Variants in GFRAL observed in about 807,000 individuals in gnomAD.
The protein encoded by GFRAL is GDNF family receptor alpha like.
Under a neutral mutation model 45.4 loss-of-function variants are expected in GFRAL, and 36 were observed. That is an observed-to-expected ratio of 0.79 (90% CI 0.61 to 1.05). The LOEUF (loss-of-function observed/expected upper bound fraction) is 1.05. GFRAL is among the 50% of genes least tolerant of loss of function. The probability of loss-of-function intolerance (pLI) is 0.00; values close to 1 mark genes in which losing one functional copy is unlikely to be tolerated. For synonymous variants in GFRAL, 166 were observed against 154.1 expected, an observed-to-expected ratio of 1.08 and a Z score of -0.57; for missense variants, 507 against 467.5, an observed-to-expected ratio of 1.08 and a Z score of -0.78.
chr6:55,360,443 T>C (rs1362185837), intron 6 of GFRAL, among the ~76,000 whole-genome samples: 2 of 152,042 alleles, frequency 1.3e-5, no homozygotes, highest in Non-Finnish European at 2.9e-5. Flanking sequence ...TACAGATGCA[T>C]ATTTACACAT....
Position 55,331,669 on chromosome 6 carries a change from A to T in GFRAL, c.23-46A>T, listed in dbSNP as rs373066632. On this transcript the variant is annotated intron_variant, in intron 1 of 8. Transcript: ENST00000340465. ...AATAACTTAGATTTGAAGAAAATGGATGCCAAATTTATATTACAACCTTGT... is the reference window on the plus strand; with the variant it reads ...AATAACTTAGATTTGAAGAAAATGGTTGCCAAATTTATATTACAACCTTGT... 3.2e-6 allele frequency: 5 copies of T among 1,561,512 alleles called. No homozygotes were observed. The African/African-American group carries it at 5.5e-5, about 17-fold the overall frequency.
At chr6:55,399,142 G>T in intron 6 of GFRAL, 38 bp from the exon 7 acceptor site, 1 of 1,061,662 alleles carries the variant, frequency 9.4e-7, no homozygotes, top group South Asian at 1.6e-5. Context: ...AATAATGTAT[G>T]ATATGTAACT....
intron 1 of GFRAL, among the ~76,000 whole-genome samples, chr6:55,328,285 G>T (rs371603078): frequency 2.0e-5 from 3 of 151,814 alleles, no homozygotes; most frequent in Admixed American, 2.0e-4. Flanking sequence ...TTAGCATTTG[G>T]TAGAATCTAT....
rs1008776704 is a variant in GFRAL, at chr6:55,351,263, G to T, written c.381G>T (p.Gly127=). 6.3e-7 allele frequency: 1 copy of T among 1,591,418 alleles called. No individual in the cohort carries two copies. Among genetic ancestry groups the T allele is most frequent in the Admixed American group, 1.7e-5 (1 of 58,794 alleles). The part of the protein sequence containing the change: ...LTTRSHHGFK[G]MWSCLEVAEA... ...TATCATTGCTTTCAGGATTCAAAGG[G>T]ATGTGGTCCTGTTTGGAAGTGGCAG... The change falls in exon 5 of 9, where the codon GGG becomes GGT. Residue 127 remains glycine, a synonymous_variant. Transcript: ENST00000340465.
intron 3 of GFRAL, among the ~76,000 whole-genome samples, chr6:55,345,489 A>G (rs1324119608): frequency 6.6e-6 from 1 of 152,228 alleles, no homozygotes; most frequent in Non-Finnish European, 1.5e-5. Context: ...CTGGCTAGCC[A>G]TATGTGGAAA....
At position 55,333,793 on chromosome 6, in the gene GFRAL, T is replaced by C. The variant is rs774252867; in HGVS notation, c.165T>C (p.Gly55=). Residue 55 remains glycine (G), a synonymous_variant, in exon 3 of 9, where the codon GGT becomes GGC. Coordinates refer to ENST00000340465, the MANE Select transcript of GFRAL (RefSeq NM_207410.2). ...TATGTGTTTGATTGTGAGATCCAGG[T>C]GACCCCTGCAAGATGAGGAATTCAT... ...MEDACNDSDP[G]DPCKMRNSSY... The C allele has an allele frequency of 6.3e-7, 1 of 1,590,424 alleles. No homozygotes were observed. Among genetic ancestry groups the C allele is most frequent in the Admixed American group, 1.8e-5 (1 of 55,424 alleles).
At chr6:55,348,425 T>C (rs1046923823) in intron 3 of GFRAL, among the ~76,000 whole-genome samples, 2 of 152,160 alleles carry the variant, frequency 1.3e-5, no homozygotes, top group African/African-American at 4.8e-5. Flanking sequence ...ATATAGTAAG[T>C]AAATTAGGCT....
chr6:55,340,412 C>T (rs883571), intron 3 of GFRAL, among the ~76,000 whole-genome samples: 140,479 of 152,248 alleles, frequency 0.92, 65,582 homozygotes, highest in Non-Finnish European at 1. Flanking sequence ...AAATATATAA[C>T]GTAAATATTT....
At chr6:55,380,664 G>A (rs1250687186) in intron 6 of GFRAL, among the ~76,000 whole-genome samples, 1 of 151,864 alleles carries the variant, frequency 6.6e-6, no homozygotes. Context: ...GCTCAGAAGG[G>A]AAAGACCAAT....
At chr6:55,361,706 A>C (rs1768277798) in intron 6 of GFRAL, among the ~76,000 whole-genome samples, 1 of 152,000 alleles carries the variant, frequency 6.6e-6, no homozygotes, top group Non-Finnish European at 1.5e-5. Context: ...AAATATATGA[A>C]AGTAGCACAA....
chr6:55,386,447 G>T (rs1768683190), intron 6 of GFRAL, among the ~76,000 whole-genome samples: 1 of 152,122 alleles, frequency 6.6e-6, no homozygotes, highest in Non-Finnish European at 1.5e-5. Context: ...AAAAGTGTGT[G>T]AGTTTAAGTG....
intron 5 of GFRAL, among the ~76,000 whole-genome samples, chr6:55,358,680 A>G (rs1460466749): frequency 6.6e-6 from 1 of 151,976 alleles, no homozygotes; most frequent in Non-Finnish European, 1.5e-5. Flanking sequence ...CTTTCATCAC[A>G]AAAAAGGGAC....
rs190393914 is a variant in GFRAL at position 55,343,700 on chromosome 6, A to C, written c.317-6392A>C. Among the ~76,000 whole-genome samples, 451 of 152,324 alleles carry C rather than the reference A, an allele frequency of 3.0e-3. 4 individuals carry two copies. Among genetic ancestry groups the C allele is most frequent in the African/African-American group, 0.011 (442 of 41,562 alleles). ...ATCAGAGCAGAACTGAAGGAAATAG[A>C]GACACAAAAAACCCTTCAAAAAATC... is the stretch of plus-strand genomic sequence containing the variant. On this transcript the variant is annotated intron_variant, in intron 3 of 8. Transcript: ENST00000340465.
At chr6:55,379,948 A>G (rs1258094613) in intron 6 of GFRAL, among the ~76,000 whole-genome samples, 2 of 151,950 alleles carry the variant, frequency 1.3e-5, no homozygotes, top group Non-Finnish European at 1.5e-5. Flanking sequence ...ACAATGTTAT[A>G]CAGTTTCATC....
At chr6:55,346,869 A>G (rs940152836) in intron 3 of GFRAL, among the ~76,000 whole-genome samples, 1 of 139,202 alleles carries the variant, frequency 7.2e-6, no homozygotes, top group Non-Finnish European at 1.6e-5. Context: ...AAAGTAAGTG[A>G]TGAAGAAAAA....
At chr6:55,368,816 C>T (rs998674423) in intron 6 of GFRAL, among the ~76,000 whole-genome samples, 2 of 152,188 alleles carry the variant, frequency 1.3e-5, no homozygotes, top group Middle Eastern at 3.2e-3. Context: ...TCTGCAGCTG[C>T]GTGCTGGGGG....
chr6:55,381,763 C>G (rs1768610702), intron 6 of GFRAL, among the ~76,000 whole-genome samples: 1 of 151,818 alleles, frequency 6.6e-6, no homozygotes, highest in Non-Finnish European at 1.5e-5. Flanking sequence ...AGAAAGATTA[C>G]AGACTATAAA....
chr6:55,343,894 C>G (rs1298000315), intron 3 of GFRAL, among the ~76,000 whole-genome samples: 1 of 152,112 alleles, frequency 6.6e-6, no homozygotes, highest in Non-Finnish European at 1.5e-5. Flanking sequence ...AAGCTACCAT[C>G]AGAGAATAAA....
chr6:55,368,295 G>A (rs1274272369), intron 6 of GFRAL, among the ~76,000 whole-genome samples: 4 of 149,698 alleles, frequency 2.7e-5, no homozygotes, highest in African/African-American at 9.8e-5. Context: ...AGCTCCATCA[G>A]CTCCTTTAAG....
Sources: gnomAD v4.1 joint callset for allele counts (sites outside exome capture counted in the v4.1 genomes callset) on GRCh38, gnomAD v4.1.1 for gene constraint, MANE v1.5 for transcripts, NCBI Gene and HGNC (gene_info 2026-07-23, HGNC 2026-07-21) for gene names.